Variants in CIMAP2 observed in about 807,000 individuals in gnomAD.
The protein encoded by CIMAP2 is ciliary microtubule-associated protein 2.
the CIMAP2 span, chr1:54,807,018 C>A: frequency 4.3e-6 from 7 of 1,614,066 alleles, no homozygotes; most frequent in East Asian, 1.6e-4. Context: ...TGCTGTTTAT[C>A]CCAACTGGAA....
chr1:54,815,391 A>G, the CIMAP2 span, among the ~76,000 whole-genome samples: 1 of 152,212 alleles, frequency 6.6e-6, no homozygotes, highest in African/African-American at 2.4e-5. Context: ...TTGAGAACCA[A>G]TTAGCTAAGA....
chr1:54,811,776 C>CA, the CIMAP2 span: 3 of 491,898 alleles, frequency 6.1e-6, no homozygotes, highest in Admixed American at 2.7e-5. Flanking sequence ...CCTCCATGCC[C>CA]CCACCCCCGC....
At chr1:54,811,399 C>G in the CIMAP2 span, among the ~76,000 whole-genome samples, 2 of 151,994 alleles carry the variant, frequency 1.3e-5, no homozygotes, top group Non-Finnish European at 2.9e-5. Flanking sequence ...GTAGAATTGT[C>G]CAAGGCAAAG....
the CIMAP2 span, chr1:54,842,061 G>C: frequency 1.6e-6 from 1 of 608,210 alleles, no homozygotes; most frequent in Non-Finnish European, 2.9e-6. Context: ...GTGTCTTCCG[G>C]GACAGCTGGG....
the CIMAP2 span, chr1:54,811,853 G>A: frequency 3.2e-6 from 5 of 1,553,338 alleles, no homozygotes; most frequent in East Asian, 1.2e-4. Context: ...CCAAGCTGGA[G>A]GAGAATGCCT....
At chr1:54,842,058 C>T in the CIMAP2 span, 1 of 625,794 alleles carries the variant, frequency 1.6e-6, no homozygotes, top group Non-Finnish European at 2.8e-6. Context: ...ACAGTGTCTT[C>T]CGGGACAGCT....
At chr1:54,816,891 C>A in the CIMAP2 span, 7 of 1,464,880 alleles carry the variant, frequency 4.8e-6, no homozygotes, top group Non-Finnish European at 6.5e-6. Flanking sequence ...CAACTCATAA[C>A]AGATGGAGTA....
At chr1:54,812,641 G>A in the CIMAP2 span, among the ~76,000 whole-genome samples, 1 of 152,104 alleles carries the variant, frequency 6.6e-6, no homozygotes, top group East Asian at 1.9e-4. Flanking sequence ...CCCAGGAGGG[G>A]AACTTGAGGT....
the CIMAP2 span, chr1:54,811,985 C>G: frequency 1.9e-6 from 3 of 1,614,090 alleles, no homozygotes; most frequent in Non-Finnish European, 2.5e-6. Flanking sequence ...CAGGGGCACT[C>G]CCAGGGCAGA....
the CIMAP2 span, among the ~76,000 whole-genome samples, chr1:54,831,322 C>G: frequency 3.9e-4 from 60 of 152,198 alleles, no homozygotes; most frequent in African/African-American, 1.4e-3. Context: ...AGGATATACT[C>G]CAGTCAAATG....
At chr1:54,827,857 T>C in the CIMAP2 span, among the ~76,000 whole-genome samples, 2 of 152,292 alleles carry the variant, frequency 1.3e-5, no homozygotes, top group South Asian at 4.1e-4. Flanking sequence ...GAAACTACAA[T>C]TACTTAAAAC....
At chr1:54,813,764 G>A in the CIMAP2 span, 1 of 1,537,360 alleles carries the variant, frequency 6.5e-7, no homozygotes, top group East Asian at 2.3e-5. Flanking sequence ...TGAGAAAGGA[G>A]CTCTTGATTT....
chr1:54,841,443 C>T, the CIMAP2 span, among the ~76,000 whole-genome samples: 1 of 152,070 alleles, frequency 6.6e-6, no homozygotes. Flanking sequence ...CTGATGCTGG[C>T]CTTCAGGTGA....
At chr1:54,809,588 C>T in the CIMAP2 span, among the ~76,000 whole-genome samples, 3 of 152,120 alleles carry the variant, frequency 2.0e-5, no homozygotes, top group Non-Finnish European at 2.9e-5. Flanking sequence ...ACTTACTGCC[C>T]AAGGTCATGA....
the CIMAP2 span, chr1:54,806,897 C>T: frequency 9.0e-7 from 1 of 1,107,318 alleles, no homozygotes; most frequent in Non-Finnish European, 1.4e-6. Context: ...GCTCCAAAGT[C>T]ACCTTCCCGG....
chr1:54,832,720 G>T, the CIMAP2 span, among the ~76,000 whole-genome samples: 571 of 152,192 alleles, frequency 3.8e-3, 25 homozygotes, highest in East Asian at 0.085. Flanking sequence ...TAAAAATAAA[G>T]CTGGAGTAAA....
At chr1:54,825,993 G>A in the CIMAP2 span, among the ~76,000 whole-genome samples, 2 of 152,158 alleles carry the variant, frequency 1.3e-5, no homozygotes, top group African/African-American at 4.8e-5. Flanking sequence ...AAGGTCCCTG[G>A]ACAACATGCA....
the CIMAP2 span, among the ~76,000 whole-genome samples, chr1:54,833,967 A>G: frequency 2.1e-4 from 32 of 152,156 alleles, no homozygotes; most frequent in African/African-American, 6.7e-4. Flanking sequence ...CCTCCAAAGG[A>G]GCTGGGATCA....
the CIMAP2 span, among the ~76,000 whole-genome samples, chr1:54,835,487 CCAGA>C: frequency 4.3e-4 from 66 of 152,190 alleles, no homozygotes; most frequent in African/African-American, 1.4e-3. Context: ...CTGTGCCTGG[CCAGA>C]CAAAGTGATT....
Sources: allele counts gnomAD v4.1 joint callset (sites outside exome capture counted in the v4.1 genomes callset), GRCh38; gene constraint gnomAD v4.1.1; transcripts MANE v1.5; gene names NCBI Gene and HGNC (gene_info 2026-07-23, HGNC 2026-07-21).